Variants in NLGN1 observed in about 807,000 individuals in gnomAD.
NLGN1 encodes the protein neuroligin 1, also known as neuroligin-1.
In NLGN1, 12 loss-of-function variants were observed where a neutral mutation model predicts 65.5. That is an observed-to-expected ratio of 0.18 (90% CI 0.12 to 0.30). The LOEUF (loss-of-function observed/expected upper bound fraction) is 0.30, where lower values mean the gene tolerates loss of function less well. Ranked by LOEUF, NLGN1 falls within the 10% of genes least tolerant of loss-of-function variation. NLGN1 has a pLI of 1.00. For synonymous variants in NLGN1, 350 were observed against 359.5 expected, an observed-to-expected ratio of 0.97 and a Z score of 0.30; for missense variants, 750 against 1,007.1, an observed-to-expected ratio of 0.74 and a Z score of 3.46.
chr3:174,288,040 A>G (rs1185653845), downstream of NLGN1, among the ~76,000 whole-genome samples: 4 of 151,584 alleles, frequency 2.6e-5, no homozygotes, highest in East Asian at 7.8e-4. Context: ...ACATACAACT[A>G]TTGTCAAGTT....
At chr3:173,440,056 T>C (rs760668230) in intron 2 of NLGN1, among the ~76,000 whole-genome samples, 6 of 152,200 alleles carry the variant, frequency 3.9e-5, no homozygotes, top group Non-Finnish European at 8.8e-5. Context: ...AGTAAGTTTA[T>C]GTGATGTACT....
intron 4 of NLGN1, among the ~76,000 whole-genome samples, chr3:174,128,179 A>G (rs1719371494): frequency 6.6e-6 from 1 of 152,164 alleles, no homozygotes; most frequent in South Asian, 2.1e-4. Flanking sequence ...TTTAATTTTG[A>G]TAGTCCCCTA....
intron 3 of NLGN1, among the ~76,000 whole-genome samples, chr3:173,610,791 G>A (rs1752159147): frequency 6.6e-6 from 1 of 151,876 alleles, no homozygotes; most frequent in Admixed American, 6.6e-5. Flanking sequence ...AGAGAGAATG[G>A]GTGAAGATTT....
At chr3:174,265,766 T>TAG (rs1747994941) in intron 4 of NLGN1, among the ~76,000 whole-genome samples, 1 of 92,890 alleles carries the variant, frequency 1.1e-5, no homozygotes, top group African/African-American at 5.0e-5. Flanking sequence ...AAGAAGGCTA[T>TAG]ATATATATAT....
rs527961695 is a variant in NLGN1 at position 174,039,067 on chromosome 3, C to T, written c.646+231235C>T. ...TTGAATATAAAAGCAATTCGCTTAG[C>T]GAGCTCTAATTTCACTTGAAGTTGT... On this transcript the variant is annotated intron_variant, in intron 4 of 6. Coordinates refer to ENST00000457714, the Ensembl canonical transcript of NLGN1. 1.2e-4 allele frequency among the ~76,000 whole-genome samples: 19 copies of T among 152,188 alleles called. No homozygotes were observed. The East Asian group carries it at 1.9e-3, about 16-fold the overall frequency.
chr3:173,991,436 C>T (rs1721080387), intron 4 of NLGN1, among the ~76,000 whole-genome samples: 1 of 152,050 alleles, frequency 6.6e-6, no homozygotes, highest in Non-Finnish European at 1.5e-5. Flanking sequence ...ACCTCTAGAG[C>T]AGGGCTGTCA....
At chr3:174,066,516 G>GTCTCTC (rs373763421) in intron 4 of NLGN1, among the ~76,000 whole-genome samples, 3,881 of 66,756 alleles carry the variant, frequency 0.058, 260 homozygotes, top group Middle Eastern at 0.074. Flanking sequence ...TATGGAACAA[G>GTCTCTC]TCTCTCTCTC....
Position 173,477,455 on chromosome 3 carries a change from T to C in NLGN1, c.-321+42377T>C, listed in dbSNP as rs141803846. On this transcript the variant is annotated intron_variant, in intron 2 of 6. Coordinates refer to ENST00000457714, the Ensembl canonical transcript of NLGN1. The stretch of plus-strand genomic sequence containing the variant: ...CCTAACTACTCAGGAGGCTGAAGTT[T>C]ATCACTTGAGCCCAGAAATTCGAGG... Among the ~76,000 whole-genome samples, 7 of 152,202 alleles carry C rather than the reference T, an allele frequency of 4.6e-5. No homozygotes were observed. The East Asian group carries it at 9.7e-4, about 21-fold the overall frequency.
chr3:174,151,090 A>T (rs1406157320), intron 4 of NLGN1, among the ~76,000 whole-genome samples: 2 of 151,858 alleles, frequency 1.3e-5, no homozygotes. Flanking sequence ...CTTCTATATA[A>T]ATGTGTATAC....
At chr3:174,050,676 C>A (rs1734632554) in intron 4 of NLGN1, among the ~76,000 whole-genome samples, 1 of 151,980 alleles carries the variant, frequency 6.6e-6, no homozygotes, top group Admixed American at 6.6e-5. Flanking sequence ...TAGGTCCCTT[C>A]CCTCCACCTT....
chr3:173,516,920 T>TA (rs1239143918), intron 2 of NLGN1, among the ~76,000 whole-genome samples: 1 of 152,078 alleles, frequency 6.6e-6, no homozygotes, highest in Admixed American at 6.6e-5. Context: ...TTCATAGAAT[T>TA]ATATTAAGGA....
At chr3:174,113,464 A>G (rs1251331331) in intron 4 of NLGN1, among the ~76,000 whole-genome samples, 2 of 152,058 alleles carry the variant, frequency 1.3e-5, no homozygotes, top group African/African-American at 4.8e-5. Flanking sequence ...CTACTCTAGT[A>G]TTTATTAGGG....
chr3:173,716,630 C>T (rs181064886), intron 3 of NLGN1, among the ~76,000 whole-genome samples: 31 of 152,174 alleles, frequency 2.0e-4, no homozygotes, highest in African/African-American at 5.8e-4. Context: ...ACAGCTTCAG[C>T]GAGACACCCA....
intron 4 of NLGN1, among the ~76,000 whole-genome samples, chr3:174,107,507 A>T (rs993532833): frequency 2.6e-5 from 4 of 152,126 alleles, no homozygotes; most frequent in African/African-American, 9.7e-5. Flanking sequence ...CCATAGAATG[A>T]TGTACCATAG....
intron 4 of NLGN1, among the ~76,000 whole-genome samples, chr3:174,192,292 A>C (rs1293561867): frequency 6.6e-6 from 1 of 152,148 alleles, no homozygotes; most frequent in Admixed American, 6.6e-5. Context: ...CTCTAAATTT[A>C]TTATTTGAAA....
At chr3:173,539,887 T>TTA (rs199511590) in intron 2 of NLGN1, among the ~76,000 whole-genome samples, 2 of 145,710 alleles carry the variant, frequency 1.4e-5, no homozygotes, top group African/African-American at 5.1e-5. Flanking sequence ...TATATATATG[T>TTA]TATATATATG....
downstream of NLGN1, among the ~76,000 whole-genome samples, chr3:174,289,981 A>G (rs986743283): frequency 3.1e-4 from 37 of 119,778 alleles, no homozygotes; most frequent in East Asian, 1.1e-3. Flanking sequence ...ATATATATAT[A>G]TATACATATA....
intron 4 of NLGN1, among the ~76,000 whole-genome samples, chr3:174,114,346 G>C (rs1715890269): frequency 6.6e-6 from 1 of 152,096 alleles, no homozygotes; most frequent in African/African-American, 2.4e-5. Context: ...ACTAACCTAT[G>C]AATATCAACT....
intron 2 of NLGN1, among the ~76,000 whole-genome samples, chr3:173,557,693 C>T (rs1229105581): frequency 6.6e-6 from 1 of 152,186 alleles, no homozygotes; most frequent in Admixed American, 6.5e-5. Flanking sequence ...ACATATAATA[C>T]CAGAACCCCT....
Sources: allele counts gnomAD v4.1 joint callset (sites outside exome capture counted in the v4.1 genomes callset), GRCh38; gene constraint gnomAD v4.1.1; transcripts MANE v1.5; gene names NCBI Gene and HGNC (gene_info 2026-07-23, HGNC 2026-07-21).